The following TPST1 variants were observed in gnomAD, a reference collection of about 807,000 sequenced individuals.
TPST1 encodes the protein protein-tyrosine sulfotransferase 1.
TPST1 carries 20 observed loss-of-function variants against 34.8 expected under a neutral mutation model. The ratio of observed to expected loss-of-function variants is 0.57; its 90% confidence interval spans 0.40 to 0.84. The LOEUF is 0.84. TPST1 is among the 40% of genes least tolerant of loss of function. The probability of loss-of-function intolerance (pLI) is 0.00; values close to 1 mark genes in which losing one functional copy is unlikely to be tolerated. For synonymous variants in TPST1, 152 were observed against 159.4 expected, an observed-to-expected ratio of 0.95 and a Z score of 0.35; for missense variants, 353 against 455.5, an observed-to-expected ratio of 0.78 and a Z score of 2.05.
At chr7:66,319,992 G>A (rs568688597) in intron 3 of TPST1, among the ~76,000 whole-genome samples, 9 of 151,822 alleles carry the variant, frequency 5.9e-5, no homozygotes, top group Non-Finnish European at 1.3e-4. Flanking sequence ...ATCAAAAATC[G>A]TCCCCGCTTC....
chr7:66,356,855 C>G lies in TPST1; in HGVS notation c.*13C>G. 6.2e-7 allele frequency: 1 copy of G among 1,614,150 alleles called. No homozygotes were observed. The highest frequency in any genetic ancestry group is 8.5e-7 in the Non-Finnish European group (1 of 1,180,020). Reference sequence around the variant, plus strand: ...GCAAGTGGAGTAGCAGAACCAGGAGCCTCTTCCATACATGAGGTGAGGGTT... The same window carrying G: ...GCAAGTGGAGTAGCAGAACCAGGAGGCTCTTCCATACATGAGGTGAGGGTT... On this transcript the variant is annotated 3_prime_UTR_variant, in exon 5 of 6. Transcript: ENST00000304842.
chr7:66,205,096 T>C (rs1395356222), upstream of TPST1: 1 of 152,118 alleles, frequency 6.6e-6, no homozygotes, highest in African/African-American at 2.4e-5. This position sits in a 1 kb window ranked among gnomAD's most constrained non-coding sequence, Gnocchi z 5.0. Flanking sequence ...GGAAGCCCCC[T>C]CGGGAGCGCG....
chr7:66,318,030 G>T (rs571179959), intron 3 of TPST1, among the ~76,000 whole-genome samples: 4 of 152,080 alleles, frequency 2.6e-5, no homozygotes, highest in African/African-American at 9.7e-5. Flanking sequence ...GGGGTGGCAG[G>T]CGCCTATAAT....
At chr7:66,297,177 A>T (rs1257888117) in intron 3 of TPST1, among the ~76,000 whole-genome samples, 1 of 152,152 alleles carries the variant, frequency 6.6e-6, no homozygotes, top group East Asian at 1.9e-4. Flanking sequence ...TCATCCACTC[A>T]TAGGGCTTTC....
intron 2 of TPST1, among the ~76,000 whole-genome samples, chr7:66,274,896 C>G (rs11760844): frequency 0.65 from 98,220 of 151,996 alleles, 32,098 homozygotes; most frequent in African/African-American, 0.74. Flanking sequence ...GTTAGAATGG[C>G]TATTATAAAA....
At chr7:66,302,223 G>T (rs1032889745) in intron 3 of TPST1, among the ~76,000 whole-genome samples, 5 of 152,180 alleles carry the variant, frequency 3.3e-5, no homozygotes, top group Non-Finnish European at 5.9e-5. Context: ...GTTTGCCTCT[G>T]GATTCAAATG....
chr7:66,215,415 C>T, intron 1 of TPST1, among the ~76,000 whole-genome samples: 1 of 147,222 alleles, frequency 6.8e-6, no homozygotes, highest in Non-Finnish European at 1.5e-5. Flanking sequence ...TGCTCTGTCG[C>T]CCAGGCTGGA....
chr7:66,253,579 A>G (rs189264442), intron 2 of TPST1, among the ~76,000 whole-genome samples: 2,297 of 150,972 alleles, frequency 0.015, 22 homozygotes, highest in Non-Finnish European at 0.023. Flanking sequence ...CACCGTGTTA[A>G]CCAGGATGGT....
intron 3 of TPST1, among the ~76,000 whole-genome samples, chr7:66,333,234 A>T (rs1792030873): frequency 6.6e-6 from 1 of 152,248 alleles, no homozygotes; most frequent in Non-Finnish European, 1.5e-5. Flanking sequence ...AATACAATTT[A>T]CTTTTATATT....
intron 1 of TPST1, among the ~76,000 whole-genome samples, chr7:66,231,917 T>C (rs893093749): frequency 2.0e-5 from 3 of 152,254 alleles, no homozygotes; most frequent in African/African-American, 7.2e-5. Context: ...TCACTTAACA[T>C]CTTTAAGTGA....
chr7:66,314,272 T>G (rs910906606), intron 3 of TPST1, among the ~76,000 whole-genome samples: 1 of 152,226 alleles, frequency 6.6e-6, no homozygotes, highest in Admixed American at 6.5e-5. Context: ...CTGTGGCTCA[T>G]GCCTATGATC....
chr7:66,263,052 A>G (rs763436462), intron 2 of TPST1, among the ~76,000 whole-genome samples: 1 of 152,108 alleles, frequency 6.6e-6, no homozygotes, highest in Non-Finnish European at 1.5e-5. Flanking sequence ...GTGAGCCCAG[A>G]TCGTGCCACT....
chr7:66,227,598 A>C (rs1342195332), intron 1 of TPST1, among the ~76,000 whole-genome samples: 2 of 151,228 alleles, frequency 1.3e-5, no homozygotes, highest in African/African-American at 2.4e-5. Flanking sequence ...CCGAGTTGAG[A>C]ATAGACTCTA....
At chr7:66,308,365 G>A (rs1008010614) in intron 3 of TPST1, among the ~76,000 whole-genome samples, 7 of 152,138 alleles carry the variant, frequency 4.6e-5, no homozygotes, top group Non-Finnish European at 1.0e-4. Flanking sequence ...TTTTGTTGGC[G>A]ATACTAATCT....
chr7:66,280,515 TG>T (rs1790911516), intron 2 of TPST1, among the ~76,000 whole-genome samples: 1 of 152,228 alleles, frequency 6.6e-6, no homozygotes, highest in Admixed American at 6.5e-5. Flanking sequence ...TAGAAGCTTT[TG>T]GGCAGAGACT....
At chr7:66,284,978 C>T (rs551405705) in intron 2 of TPST1, among the ~76,000 whole-genome samples, 74 of 152,058 alleles carry the variant, frequency 4.9e-4, no homozygotes, top group South Asian at 1.2e-3. Flanking sequence ...ATTATTCTTC[C>T]CATAGTTATC....
intron 2 of TPST1, among the ~76,000 whole-genome samples, chr7:66,243,379 C>A (rs949539147): frequency 1.3e-5 from 2 of 152,042 alleles, no homozygotes; most frequent in Non-Finnish European, 2.9e-5. Flanking sequence ...GAAAGAAAAT[C>A]TTACCCAGAA....
At chr7:66,339,558 A>G (rs1315303933) in intron 3 of TPST1, among the ~76,000 whole-genome samples, 1 of 152,128 alleles carries the variant, frequency 6.6e-6, no homozygotes, top group Non-Finnish European at 1.5e-5. Flanking sequence ...CAACAAGAAA[A>G]TGACAGGCCA....
intron 2 of TPST1, among the ~76,000 whole-genome samples, chr7:66,242,031 A>G (rs534347527): frequency 1.3e-5 from 2 of 152,350 alleles, no homozygotes; most frequent in African/African-American, 4.8e-5. Context: ...CTTGGATTCA[A>G]AACTTCTCAA....
Sources: gnomAD v4.1 joint callset for allele counts (sites outside exome capture counted in the v4.1 genomes callset) on GRCh38, gnomAD v4.1.1 for gene constraint, Gnocchi (gnomAD v3.1) non-coding constraint, MANE v1.5 for transcripts, NCBI Gene and HGNC (gene_info 2026-07-23, HGNC 2026-07-21) for gene names.